The following INPP4B variants were observed in gnomAD, a reference collection of about 807,000 sequenced individuals.
INPP4B encodes inositol polyphosphate-4-phosphatase type II B.
A neutral mutation model predicts 122.5 loss-of-function variants in INPP4B; 55 were observed. The ratio of observed to expected loss-of-function variants is 0.45; its 90% CI spans 0.36 to 0.56. The LOEUF (loss-of-function observed/expected upper bound fraction) is 0.56, where lower values mean the gene tolerates loss of function less well. Among genes scored for constraint, INPP4B ranks in the 20% least tolerant of loss-of-function variants. The pLI, the probability that INPP4B is intolerant of heterozygous loss-of-function variation, is 0.00. For synonymous variants in INPP4B, 403 were observed against 388.7 expected (o/e 1.04, Z -0.43); for missense variants, 1,000 against 1,097.7 (o/e 0.91, Z 1.26).
At chr4:142,803,603 A>G (rs1198484846) in intron 1 of INPP4B, among the ~76,000 whole-genome samples, 1 of 151,660 alleles carries the variant, frequency 6.6e-6, no homozygotes, top group Non-Finnish European at 1.5e-5. Context: ...GGAATAGATG[A>G]TATAAGAAAT....
At chr4:142,226,479 G>T (rs1271481925) in intron 12 of INPP4B, among the ~76,000 whole-genome samples, 2 of 152,136 alleles carry the variant, frequency 1.3e-5, no homozygotes, top group Non-Finnish European at 2.9e-5. Flanking sequence ...GTTATATTCA[G>T]TGCTTTAGAG....
chr4:142,523,927 G>A (rs1026125337), intron 2 of INPP4B, among the ~76,000 whole-genome samples: 7 of 145,580 alleles, frequency 4.8e-5, no homozygotes, highest in African/African-American at 1.3e-4. Flanking sequence ...TTGTTCTTGC[G>A]ATAGTTTACT....
chr4:142,810,870 A>C (rs1779425222), intron 1 of INPP4B, among the ~76,000 whole-genome samples: 1 of 152,234 alleles, frequency 6.6e-6, no homozygotes, highest in African/African-American at 2.4e-5. Context: ...GTCTGAAAGA[A>C]AAGTGTCTTG....
intron 2 of INPP4B, among the ~76,000 whole-genome samples, chr4:142,628,292 T>C (rs1747006251): frequency 6.8e-6 from 1 of 147,284 alleles, no homozygotes; most frequent in Non-Finnish European, 1.5e-5. Flanking sequence ...ATCATCATTC[T>C]CAGTAAACTA....
intron 12 of INPP4B, among the ~76,000 whole-genome samples, chr4:142,221,927 T>A (rs1322709372): frequency 6.6e-6 from 1 of 152,206 alleles, no homozygotes; most frequent in Non-Finnish European, 1.5e-5. Context: ...CTTTCCTTCT[T>A]AACCTGGTGC....
At chr4:142,231,184 T>A (rs1008524000) in intron 12 of INPP4B, among the ~76,000 whole-genome samples, 12 of 152,330 alleles carry the variant, frequency 7.9e-5, no homozygotes, top group African/African-American at 2.6e-4. Context: ...GCAAGTGTGT[T>A]TTTTGATGGC....
chr4:142,297,954 C>A (rs778552155), intron 9 of INPP4B, among the ~76,000 whole-genome samples: 40 of 152,152 alleles, frequency 2.6e-4, no homozygotes, highest in Non-Finnish European at 5.4e-4. Context: ...CCAGAACCAC[C>A]CTGGAAGGGA....
Position 142,028,830 on chromosome 4 carries a change from G to C in INPP4B, c.2727C>G (p.Pro909=). Reference sequence around the variant, plus strand: ...TCCCCTCTGGAGGTCTGTAGTACTTGGGGAAAGCCATCAGCTGTAGCATGT... The same window carrying C: ...TCCCCTCTGGAGGTCTGTAGTACTTCGGGAAAGCCATCAGCTGTAGCATGT... ...AFNMLQLMAF[P]KYYRPPEGTY... Residue 909 remains proline (P), a synonymous_variant, in exon 26 of 26, where the codon CCC becomes CCG. Coordinates refer to ENST00000262992, the MANE Select transcript of INPP4B (RefSeq NM_001101669.3). 6.2e-7 allele frequency: 1 copy of C among 1,613,500 alleles called. No individual in the cohort carries two copies. Among genetic ancestry groups the C allele is most frequent in the Non-Finnish European group, 8.5e-7 (1 of 1,179,658 alleles).
In INPP4B at chr4:142,484,127, G is replaced by C. The variant is rs2149751374; in HGVS notation, c.-190-21401C>G. Among the ~76,000 whole-genome samples, 4 of 152,138 alleles carry C rather than the reference G, an allele frequency of 2.6e-5. No individual in the cohort carries two copies. The South Asian group carries it at 8.3e-4, about 32-fold the overall frequency. On this transcript the variant is annotated intron_variant, in intron 2 of 25. Transcript: ENST00000262992. ...GTGTGAGAGCTATCATCTGCAGCCAGGTTAAAATGGTATGACTTTGCTAAC... is the reference window on the plus strand; with the variant it reads ...GTGTGAGAGCTATCATCTGCAGCCACGTTAAAATGGTATGACTTTGCTAAC...
intron 2 of INPP4B, among the ~76,000 whole-genome samples, chr4:142,681,267 AGCCAT>A (rs1340474125): frequency 6.6e-6 from 1 of 151,798 alleles, no homozygotes. Flanking sequence ...TGTTCTAATG[AGCCAT>A]GGATCTGAAG....
At chr4:142,545,368 C>T (rs1041369304) in intron 2 of INPP4B, among the ~76,000 whole-genome samples, 21 of 151,806 alleles carry the variant, frequency 1.4e-4, no homozygotes, top group African/African-American at 4.4e-4. Flanking sequence ...GCTATCATAC[C>T]CATTGTACAG....
At chr4:142,812,677 T>C (rs1009044468) in intron 1 of INPP4B, among the ~76,000 whole-genome samples, 1 of 152,152 alleles carries the variant, frequency 6.6e-6, no homozygotes, top group Admixed American at 6.5e-5. Context: ...ATTGATGTCT[T>C]ATTTATACTT....
intron 2 of INPP4B, among the ~76,000 whole-genome samples, chr4:142,528,241 T>C (rs985911778): frequency 1.3e-5 from 2 of 152,090 alleles, no homozygotes; most frequent in Non-Finnish European, 2.9e-5. Context: ...CATACATTTA[T>C]TATCTCAGTT....
Position 142,789,889 on chromosome 4 carries a change from T to C in INPP4B, c.-254+56320A>G, listed in dbSNP as rs115949376. Among the ~76,000 whole-genome samples, 1,297 of 152,094 alleles carry C rather than the reference T, an allele frequency of 8.5e-3. 26 individuals carry two copies. The highest frequency in any genetic ancestry group is 0.03 in the African/African-American group (1,236 of 41,526). On this transcript the variant is annotated intron_variant, in intron 1 of 25. Transcript: ENST00000262992. ...CATGGTACTGGTTTAAAAAAAGGCA[T>C]GTAGACCAATGGAACAGAATAGAGA...
intron 2 of INPP4B, among the ~76,000 whole-genome samples, chr4:142,591,603 T>C (rs1737510031): frequency 6.6e-6 from 1 of 152,044 alleles, no homozygotes; most frequent in South Asian, 2.1e-4. Flanking sequence ...GTGATTTCCT[T>C]CCAAAAAGCA....
intron 1 of INPP4B, among the ~76,000 whole-genome samples, chr4:142,811,025 T>C (rs980883941): frequency 1.3e-5 from 2 of 152,258 alleles, no homozygotes; most frequent in African/African-American, 4.8e-5. Context: ...CTGACATTTT[T>C]CTGCACTGGT....
At chr4:142,398,426 ATATATATATATATATATAT>A (rs1388342915) in intron 7 of INPP4B, among the ~76,000 whole-genome samples, 15 of 113,516 alleles carry the variant, frequency 1.3e-4, no homozygotes, top group East Asian at 3.1e-4. Context: ...ATATATATAT[ATATATATATATATATATAT>A]AAAACATATT....
chr4:142,797,494 A>G (rs1777414463), intron 1 of INPP4B, among the ~76,000 whole-genome samples: 1 of 152,024 alleles, frequency 6.6e-6, no homozygotes, highest in African/African-American at 2.4e-5. Flanking sequence ...GAGAAAAGAC[A>G]TAAAATATCT....
At chr4:142,800,294 A>T (rs1048391303) in intron 1 of INPP4B, among the ~76,000 whole-genome samples, 1 of 152,142 alleles carries the variant, frequency 6.6e-6, no homozygotes, top group African/African-American at 2.4e-5. Context: ...AAACAAACAC[A>T]CTGCTTGTTT....
Sources: allele counts gnomAD v4.1 joint callset (sites outside exome capture counted in the v4.1 genomes callset), GRCh38; gene constraint gnomAD v4.1.1; transcripts MANE v1.5; gene names NCBI Gene and HGNC (gene_info 2026-07-23, HGNC 2026-07-21).